ATP2B2: variants seen among roughly 807,000 people sequenced by gnomAD.
ATP2B2 encodes the protein plasma membrane calcium-transporting ATPase 2.
ATP2B2 carries 15 observed loss-of-function variants against 120.0 expected under a neutral mutation model. The ratio of observed to expected loss-of-function variants is 0.12; its 90% CI spans 0.08 to 0.19. The LOEUF (loss-of-function observed/expected upper bound fraction) is 0.19, where lower values mean the gene tolerates loss of function less well. ATP2B2 is among the 10% of genes least tolerant of loss of function. The probability of loss-of-function intolerance (pLI) is 1.00; values close to 1 mark genes in which losing one functional copy is unlikely to be tolerated. For missense variants in ATP2B2, 1,045 were observed against 1,719.8 expected, an observed-to-expected ratio of 0.61 and a Z score of 6.94; for synonymous variants, 694 against 700.3, an observed-to-expected ratio of 0.99 and a Z score of 0.14.
chr3:10,387,841 T>A, intron 6 of ATP2B2: 1 of 254,694 alleles, frequency 3.9e-6, no homozygotes. Context: ...CCTCTGCCCA[T>A]GTCTTGGATG....
intron 1 of ATP2B2, among the ~76,000 whole-genome samples, chr3:10,654,858 A>G (rs1421104859): frequency 1.3e-5 from 2 of 151,934 alleles, no homozygotes; most frequent in Non-Finnish European, 2.9e-5. Context: ...CATTTTCACA[A>G]CGCCCAAGAG....
intron 3 of ATP2B2, among the ~76,000 whole-genome samples, chr3:10,527,267 G>A (rs937765930): frequency 6.6e-6 from 1 of 152,308 alleles, no homozygotes; most frequent in East Asian, 1.9e-4. Flanking sequence ...CTGTGTTGAA[G>A]GGCTCCCTCG....
At chr3:10,501,568 G>A (rs2066395328) in intron 1 of ATP2B2, among the ~76,000 whole-genome samples, 1 of 152,082 alleles carries the variant, frequency 6.6e-6, no homozygotes, top group African/African-American at 2.4e-5. Flanking sequence ...ATGGGGTCTT[G>A]GAGAGTGCCC....
rs115071548 is a variant in ATP2B2 at position 10,602,625 on chromosome 3, C to T, written c.-415+17292G>A. On this transcript the variant is annotated intron_variant, in intron 2 of 21. Transcript: ENST00000646379. ...ATGCTTAGCTCCTGTTGATGACAAG[C>T]GATATTATAAACCACTTAATTGCAT... 6.4e-3 allele frequency among the ~76,000 whole-genome samples: 968 copies of T among 152,174 alleles called. 10 individuals carry two copies. The highest frequency in any genetic ancestry group is 0.022 in the African/African-American group (920 of 41,508).
intron 2 of ATP2B2, among the ~76,000 whole-genome samples, chr3:10,551,141 G>A (rs975997594): frequency 2.0e-5 from 3 of 152,168 alleles, no homozygotes; most frequent in Admixed American, 6.5e-5. Context: ...ATACCAAGTC[G>A]CTCAAATAAC....
intron 2 of ATP2B2, among the ~76,000 whole-genome samples, chr3:10,423,639 G>T (rs1157603486): frequency 1.3e-5 from 2 of 152,138 alleles, no homozygotes; most frequent in East Asian, 3.9e-4. Flanking sequence ...CTGGGGAGGG[G>T]CCTCCATGGT....
rs879655713 is a variant in ATP2B2 at position 10,486,356 on chromosome 3, T to TGTG, written c.-320+19106_-320+19108dup. Among the ~76,000 whole-genome samples the TGTG allele has an allele frequency of 2.7e-3, 405 of 152,066 alleles. 1 individual carries two copies. The highest frequency in any genetic ancestry group is 4.7e-3 in the Non-Finnish European group (321 of 67,992). The stretch of plus-strand genomic sequence containing the variant: ...GTGTGTGTGTGTGTGTGTGTGTGTG[T>TGTG]GTGTCTCAGCCCTGCATAAGATGCT... On this transcript the variant is annotated intron_variant, in intron 1 of 22. Coordinates refer to ENST00000360273, the MANE Select transcript of ATP2B2 (RefSeq NM_001001331.4).
At chr3:10,523,075 G>A (rs570022425) in intron 3 of ATP2B2, among the ~76,000 whole-genome samples, 1 of 152,204 alleles carries the variant, frequency 6.6e-6, no homozygotes, top group South Asian at 2.1e-4. Context: ...AGAGTGAAAG[G>A]CTCTTGAGCC....
chr3:10,504,111 G>A (rs1253967363), intron 1 of ATP2B2, among the ~76,000 whole-genome samples: 1 of 152,144 alleles, frequency 6.6e-6, no homozygotes, highest in Non-Finnish European at 1.5e-5. Context: ...GATGTGAATG[G>A]GACTAGGGTG....
At chr3:10,696,486 C>A (rs761966197) in intron 1 of ATP2B2, among the ~76,000 whole-genome samples, 1 of 152,160 alleles carries the variant, frequency 6.6e-6, no homozygotes, top group Non-Finnish European at 1.5e-5. Context: ...TTGGTTTCAG[C>A]CTTTCCTCTC....
intron 2 of ATP2B2, among the ~76,000 whole-genome samples, chr3:10,571,491 G>A (rs557580009): frequency 3.3e-5 from 5 of 152,344 alleles, no homozygotes; most frequent in South Asian, 2.1e-4. Flanking sequence ...AGCCTGGGCC[G>A]TTTCCATAAG....
intron 2 of ATP2B2, among the ~76,000 whole-genome samples, chr3:10,593,998 A>C (rs936401788): frequency 1.6e-4 from 25 of 152,252 alleles, no homozygotes; most frequent in Non-Finnish European, 2.5e-4. Context: ...AGAGAAATGC[A>C]AATCAAAACC....
intron 2 of ATP2B2, among the ~76,000 whole-genome samples, chr3:10,609,057 C>T (rs780736729): frequency 3.3e-5 from 5 of 152,250 alleles, no homozygotes; most frequent in Non-Finnish European, 5.9e-5. Flanking sequence ...CCTGCCGCTG[C>T]TTCATGGAAT....
chr3:10,642,829 C>T (rs1462308081), intron 1 of ATP2B2, among the ~76,000 whole-genome samples: 1 of 152,114 alleles, frequency 6.6e-6, no homozygotes, highest in Non-Finnish European at 1.5e-5. Context: ...AGCTCTGGCC[C>T]CCCAGCCCTG....
chr3:10,532,052 C>T (rs141321221), intron 3 of ATP2B2, among the ~76,000 whole-genome samples: 5 of 152,044 alleles, frequency 3.3e-5, no homozygotes, highest in Admixed American at 6.5e-5. Flanking sequence ...CCCTCACCCC[C>T]CCATCCTCTC....
intron 3 of ATP2B2, among the ~76,000 whole-genome samples, chr3:10,530,587 C>T (rs562979985): frequency 8.5e-5 from 13 of 152,180 alleles, no homozygotes; most frequent in Non-Finnish European, 1.9e-4. Context: ...ACAGACAGGG[C>T]TCACGTTTTT....
At chr3:10,388,425 A>G in intron 5 of ATP2B2, 23 bp from the exon 6 acceptor site, 1 of 1,614,118 alleles carries the variant, frequency 6.2e-7, no homozygotes, top group Non-Finnish European at 8.5e-7. Context: ...ACAAAAGCCA[A>G]GTTACCATTG....
intron 3 of ATP2B2, among the ~76,000 whole-genome samples, chr3:10,406,720 A>G (rs895729028): frequency 2.6e-5 from 4 of 152,242 alleles, no homozygotes; most frequent in Non-Finnish European, 5.9e-5. Context: ...TCTACTAACC[A>G]TCTACAATGG....
chr3:10,532,687 G>T (rs1473828473), intron 3 of ATP2B2, among the ~76,000 whole-genome samples: 1 of 152,202 alleles, frequency 6.6e-6, no homozygotes, highest in Non-Finnish European at 1.5e-5. Flanking sequence ...AAACAATCTG[G>T]TTCGTCCCAA....
Sources: gnomAD v4.1 joint callset for allele counts (sites outside exome capture counted in the v4.1 genomes callset) on GRCh38, gnomAD v4.1.1 for gene constraint, MANE v1.5 for transcripts, NCBI Gene and HGNC (gene_info 2026-07-23, HGNC 2026-07-21) for gene names.